RHNO1: variants seen among roughly 807,000 people sequenced by gnomAD.
RHNO1 encodes RAD9, HUS1, RAD1-interacting nuclear orphan protein 1.
A neutral mutation model predicts 7.2 loss-of-function variants in RHNO1; 9 were observed. The ratio of observed to expected loss-of-function variants is 1.25; its 90% CI spans 0.75 to 2.18. The LOEUF (loss-of-function observed/expected upper bound fraction) is 2.18, where lower values mean the gene tolerates loss of function less well. Among genes scored for constraint, RHNO1 ranks in the 30% most tolerant of loss-of-function variants. The pLI, the probability that RHNO1 is intolerant of heterozygous loss-of-function variation, is 0.00. For missense variants in RHNO1, 292 were observed against 284.5 expected, an observed-to-expected ratio of 1.03 and a Z score of -0.19; for synonymous variants, 95 against 107.5, an observed-to-expected ratio of 0.88 and a Z score of 0.72.
chr12:2,877,713 C>G (rs1565484458), intron 1 of RHNO1, among the ~76,000 whole-genome samples: 2 of 152,192 alleles, frequency 1.3e-5, no homozygotes. Flanking sequence ...GCCAAGCCTT[C>G]GGATATAATA....
In RHNO1 at chr12:2,887,892, C is replaced by A; in HGVS notation, c.169-19C>A. On this transcript the variant is annotated intron_variant, in intron 2 of 2. Transcript: ENST00000489288. ...TTAGTACTTAGTTAGGCTCACCTCA[C>A]TTTTTTTTTTTTTTTAAGGTATCAC... is the stretch of plus-strand genomic sequence containing the variant. The A allele has an allele frequency of 7.2e-7, 1 of 1,383,348 alleles. No individual in the cohort carries two copies. Among genetic ancestry groups the A allele is most frequent in the South Asian group, 1.5e-5 (1 of 67,922 alleles). 85.7% of individuals were successfully genotyped at this position (1,383,348 alleles called of 1,614,324 possible). A position where few individuals can be genotyped will look rare whatever the true frequency, so the allele number is the denominator to read the frequency against.
chr12:2,877,279 G>T lies in RHNO1; in HGVS notation c.-88G>T, dbSNP rs997255848. On this transcript the variant is annotated 5_prime_UTR_variant, in exon 1 of 3. Coordinates refer to ENST00000489288, the MANE Select transcript of RHNO1 (RefSeq NM_001252499.3). The stretch of plus-strand genomic sequence containing the variant: ...GGAGCTGCGGCCCCGTCCGGCCCGG[G>T]CTGGTAAGGCGGACCGCAGGCCGGC... The T allele has an allele frequency of 6.6e-6, 1 of 152,264 alleles. No individual in the cohort carries two copies. The highest frequency in any genetic ancestry group is 1.5e-5 in the Non-Finnish European group (1 of 68,052). 9.4% of individuals were successfully genotyped at this position (152,264 alleles called of 1,614,324 possible).
chr12:2,882,464 C>T (rs2098159121), intron 1 of RHNO1, among the ~76,000 whole-genome samples: 1 of 151,674 alleles, frequency 6.6e-6, no homozygotes, highest in Non-Finnish European at 1.5e-5. Context: ...TTTGGGAGGC[C>T]GAGGCAGGCA....
intron 1 of RHNO1, among the ~76,000 whole-genome samples, chr12:2,881,067 C>T (rs1264505695): frequency 6.6e-6 from 1 of 152,004 alleles, no homozygotes; most frequent in African/African-American, 2.4e-5. Context: ...GCCATTGCTA[C>T]CACTGTTATC....
intron 1 of RHNO1, among the ~76,000 whole-genome samples, chr12:2,883,511 A>ATATATATATATATATATT (rs2098161542): frequency 1.1e-4 from 3 of 26,844 alleles, no homozygotes; most frequent in Non-Finnish European, 1.9e-4. Context: ...ATATATATAT[A>ATATATATATATATATATT]TTTTTTTTTT....
chr12:2,885,700 G>A (rs911446857), intron 2 of RHNO1, 166 bp downstream of exon 2: 23 of 563,596 alleles, frequency 4.1e-5, no homozygotes, highest in Middle Eastern at 1.0e-3. Context: ...TCAGCCTCCC[G>A]AGGAGCTGGA....
Position 2,885,316 on chromosome 12 carries a change from C to A in RHNO1, c.-51C>A. 1 of 1,541,748 alleles carries A rather than the reference C, an allele frequency of 6.5e-7. No homozygotes were observed. The highest frequency in any genetic ancestry group is 8.8e-7 in the Non-Finnish European group (1 of 1,136,574). On this transcript the variant is annotated 5_prime_UTR_variant, in exon 2 of 3. Transcript: ENST00000489288. ...TGGAATTGGAGCCTATCCCCCAACC[C>A]GAAGGCTAACAGCATCATGTGGTTA... is the stretch of plus-strand genomic sequence containing the variant.
intron 1 of RHNO1, among the ~76,000 whole-genome samples, chr12:2,884,594 C>T (rs2098163074): frequency 6.6e-6 from 1 of 151,084 alleles, no homozygotes; most frequent in Non-Finnish European, 1.5e-5. Context: ...AACTCCTGAC[C>T]TCAGGTGATC....
At position 2,885,566 on chromosome 12, in the gene RHNO1, T is replaced by C. The variant is rs754145652; in HGVS notation, c.168+32T>C. On this transcript the variant is annotated intron_variant, in intron 2 of 2. Coordinates refer to ENST00000489288, the MANE Select transcript of RHNO1 (RefSeq NM_001252499.3). Reference sequence around the variant, plus strand: ...CCATGGGATTACTATTTGACATTTTTTTTTTTTTTTTTTTTTTTTTTTTTT... The same window carrying C: ...CCATGGGATTACTATTTGACATTTTCTTTTTTTTTTTTTTTTTTTTTTTTT... 3 of 524,500 alleles carry C rather than the reference T, an allele frequency of 5.7e-6. No homozygotes were observed. The African/African-American group carries it at 2.7e-4, about 48-fold the overall frequency. 32.5% of individuals were successfully genotyped at this position (524,500 alleles called of 1,614,324 possible). A position where few individuals can be genotyped will look rare whatever the true frequency, so the allele number is the denominator to read the frequency against.
rs374668211 is a variant in RHNO1 at position 2,885,459 on chromosome 12, A to T, written c.93A>T (p.Ala31=). ...TGGAGGGCCCCAAACACAGCTGTGC[A>T]TCTACACAGCTTCCCATCACTCACA... ...QPLEGPKHSC[A]STQLPITHTR... is the part of the protein sequence containing the mutation. The change falls in exon 2 of 3, where the codon GCA becomes GCT. Residue 31 remains alanine, a synonymous_variant. Transcript: ENST00000489288. 5.6e-5 allele frequency: 91 copies of T among 1,613,550 alleles called. No homozygotes were observed. Among genetic ancestry groups the T allele is most frequent in the Non-Finnish European group, 7.5e-5 (89 of 1,179,922 alleles).
In RHNO1 at chr12:2,888,208, G is replaced by GAT. The variant is rs777708062; in HGVS notation, c.469_470dup (p.Gln158SerfsTer9). 5 of 1,614,102 alleles carry GAT rather than the reference G, an allele frequency of 3.1e-6. No individual in the cohort carries two copies. The highest frequency in any genetic ancestry group is 4.2e-6 in the Non-Finnish European group (5 of 1,180,026). ...CTTACCTTATGTGTTCATTCCACCT[G>GAT]ATATCCAGACCCCAGAGTCATCGTC... On this transcript the variant is annotated frameshift_variant, in exon 3 of 3. Coordinates refer to ENST00000489288, the MANE Select transcript of RHNO1 (RefSeq NM_001252499.3). LOFTEE classifies it low-confidence loss of function (END_TRUNC).
intron 1 of RHNO1, among the ~76,000 whole-genome samples, chr12:2,879,452 C>T (rs897518794): frequency 2.6e-5 from 4 of 151,972 alleles, no homozygotes; most frequent in Non-Finnish European, 5.9e-5. Flanking sequence ...CCCACCTCAG[C>T]CTCCTGAGTA....
In RHNO1 at chr12:2,885,431, C is replaced by T. The variant is rs914940746; in HGVS notation, c.65C>T (p.Pro22Leu). The T allele has an allele frequency of 2.5e-6, 4 of 1,614,082 alleles. No homozygotes were observed. Among genetic ancestry groups the T allele is most frequent in the Non-Finnish European group, 3.4e-6 (4 of 1,180,016 alleles). ...GCCCCGCTGCTGTTCCACCAACAAC[C>T]ACTGGAGGGCCCCAAACACAGCTGT... Reference protein sequence around the residue: ...QKAPLLFHQQPLEGPKHSCAS... With the variant: ...QKAPLLFHQQLLEGPKHSCAS... The change falls in exon 2 of 3, where the codon CCA becomes CTA. Residue 22 changes from proline to leucine, a missense_variant. Coordinates refer to ENST00000489288, the MANE Select transcript of RHNO1 (RefSeq NM_001252499.3).
Position 2,885,360 on chromosome 12 carries a change from C to A in RHNO1, c.-7C>A, listed in dbSNP as rs370802415. 42 of 1,611,598 alleles carry A rather than the reference C, an allele frequency of 2.6e-5. No individual in the cohort carries two copies. In the African/African-American group the frequency reaches 2.8e-4, roughly 11 times the overall value. ...GTGGTTACTAACTGTTCCTCATTCA[C>A]CGGTTGATGCCTCCCAGAAAAAAAC... On this transcript the variant is annotated 5_prime_UTR_variant, in exon 2 of 3. Transcript: ENST00000489288.
intron 2 of RHNO1, among the ~76,000 whole-genome samples, chr12:2,887,371 G>A (rs773836187): frequency 1.3e-5 from 2 of 151,728 alleles, no homozygotes; most frequent in African/African-American, 4.8e-5. Flanking sequence ...CCAGCTACAC[G>A]GGAAGCTTAG....
rs187979443 is a variant in RHNO1 at position 2,880,662 on chromosome 12, G to A, written c.-85+3380G>A. Among the ~76,000 whole-genome samples, 765 of 152,070 alleles carry A rather than the reference G, an allele frequency of 5.0e-3. 9 individuals are homozygous for A. The highest frequency in any genetic ancestry group is 0.01 in the Middle Eastern group (3 of 294). On this transcript the variant is annotated intron_variant, in intron 1 of 2. Transcript: ENST00000489288. ...CTTTATTTATTTATTTTGAGATAGG[G>A]TCTGTCTGTCACCTAGGCTAGAGTG...
chr12:2,887,613 A>G (rs531664947), intron 2 of RHNO1, among the ~76,000 whole-genome samples: 127 of 152,278 alleles, frequency 8.3e-4, no homozygotes, highest in African/African-American at 2.9e-3. Flanking sequence ...GTGCCGCTGC[A>G]TTCCAGCCTA....
chr12:2,881,200 T>C (rs1387902081), intron 1 of RHNO1, among the ~76,000 whole-genome samples: 1 of 151,972 alleles, frequency 6.6e-6, no homozygotes, highest in Non-Finnish European at 1.5e-5. Context: ...CCTCCCGGGT[T>C]CAAGCGATTC....
chr12:2,887,214 A>G, intron 2 of RHNO1: 1 of 273,998 alleles, frequency 3.6e-6, no homozygotes, highest in South Asian at 3.6e-5. Flanking sequence ...GCCGTGACTC[A>G]TGCCTGTAAT....
Sources: gnomAD v4.1 joint callset for allele counts (sites outside exome capture counted in the v4.1 genomes callset) on GRCh38, gnomAD v4.1.1 for gene constraint, MANE v1.5 for transcripts, NCBI Gene and HGNC (gene_info 2026-07-23, HGNC 2026-07-21) for gene names.